The following SAMMSON variants were observed in gnomAD, a reference collection of about 807,000 sequenced individuals.
The protein encoded by SAMMSON is long intergenic non-protein coding RNA 1212.
chr3:70,184,925 C>T lies in SAMMSON; in HGVS notation n.508-64182C>T, dbSNP rs201049323. On this transcript the variant is annotated intron_variant and non_coding_transcript_variant, in intron 4 of 9. Transcript: ENST00000642114. ...GCAGTGACCTTTCCCTGTAAGACAG[C>T]GCTATCTCCACCAAGGAGAATGCCA... 4.5e-4 allele frequency among the ~76,000 whole-genome samples: 68 copies of T among 152,272 alleles called. 1 individual carries two copies. Among genetic ancestry groups the T allele is most frequent in the East Asian group, 3.7e-3 (19 of 5,188 alleles).
At chr3:70,360,184 AAGG>A in intron 9 of SAMMSON, among the ~76,000 whole-genome samples, 2 of 152,246 alleles carry the variant, frequency 1.3e-5, no homozygotes, top group Middle Eastern at 3.4e-3. Context: ...ATTTAATAGA[AAGG>A]AGAAGAGCAA....
intron 4 of SAMMSON, among the ~76,000 whole-genome samples, chr3:70,152,346 T>C (rs2067575250): frequency 6.6e-6 from 1 of 152,046 alleles, no homozygotes; most frequent in South Asian, 2.1e-4. Context: ...TCAATGCCCC[T>C]TGCATTTTTG....
At chr3:70,299,730 G>A (rs1403076) in intron 7 of SAMMSON, among the ~76,000 whole-genome samples, 31,596 of 151,988 alleles carry the variant, frequency 0.21, 3,486 homozygotes, top group South Asian at 0.28. Flanking sequence ...GTCCATCTTC[G>A]TAATATCCTC....
intron 6 of SAMMSON, among the ~76,000 whole-genome samples, chr3:70,264,015 A>C (rs1701892119): frequency 6.6e-6 from 1 of 152,170 alleles, no homozygotes; most frequent in African/African-American, 2.4e-5. Flanking sequence ...GAAGCAGTTA[A>C]CTTTACTATG....
intron 4 of SAMMSON, among the ~76,000 whole-genome samples, chr3:70,247,467 AAT>A (rs993493150): frequency 1.3e-5 from 2 of 151,772 alleles, no homozygotes; most frequent in African/African-American, 4.8e-5. Flanking sequence ...TTTATCATAT[AAT>A]ATATATTATC....
At chr3:70,250,173 G>A (rs1701747566) in intron 6 of SAMMSON, among the ~76,000 whole-genome samples, 1 of 152,096 alleles carries the variant, frequency 6.6e-6, no homozygotes, top group South Asian at 2.1e-4. Context: ...TATTGTGAAG[G>A]ATTTGGAGTT....
At chr3:70,009,273 CT>C (rs2066943519) in intron 1 of SAMMSON, 1 of 146,908 alleles carries the variant, frequency 6.8e-6, no homozygotes, top group Non-Finnish European at 1.5e-5. Context: ...TGGTCCTGGA[CT>C]TTTTTTGGTT....
rs560797855 is a variant in SAMMSON at position 70,039,160 on chromosome 3, G to A, written n.417+25488G>A. 5.2e-4 allele frequency among the ~76,000 whole-genome samples: 79 copies of A among 152,254 alleles called. 1 individual carries two copies. Among genetic ancestry groups the A allele is most frequent in the Middle Eastern group, 3.4e-3 (1 of 294 alleles). On this transcript the variant is annotated intron_variant and non_coding_transcript_variant, in intron 3 of 9. Transcript: ENST00000642114. The stretch of plus-strand genomic sequence containing the variant: ...AATCTTGAGACTAAACTGCACCACT[G>A]AGTACTTGACCTGCCCCAGCCCTTT...
At chr3:70,147,917 T>C (rs551532783) in intron 4 of SAMMSON, among the ~76,000 whole-genome samples, 8 of 152,212 alleles carry the variant, frequency 5.3e-5, no homozygotes, top group East Asian at 3.9e-4. Flanking sequence ...AAAGGACTTA[T>C]AGCCTGAATT....
At chr3:70,311,121 T>G (rs913922669) in intron 7 of SAMMSON, among the ~76,000 whole-genome samples, 1 of 152,200 alleles carries the variant, frequency 6.6e-6, no homozygotes, top group African/African-American at 2.4e-5. Context: ...TCCTACAACC[T>G]TATAAAGCAA....
chr3:70,007,839 A>G (rs1379540029), intron 1 of SAMMSON, among the ~76,000 whole-genome samples: 2 of 151,984 alleles, frequency 1.3e-5, no homozygotes, highest in South Asian at 2.1e-4. Context: ...TGTAAGGAAG[A>G]GATCCAGTTT....
At chr3:70,028,548 A>G (rs772795679) in intron 3 of SAMMSON, among the ~76,000 whole-genome samples, 64 of 152,168 alleles carry the variant, frequency 4.2e-4, no homozygotes, top group Non-Finnish European at 7.9e-4. Context: ...GGCCCAGGAA[A>G]TGCCTGGTTA....
chr3:70,143,726 A>G (rs1418238637), intron 4 of SAMMSON, among the ~76,000 whole-genome samples: 3 of 152,094 alleles, frequency 2.0e-5, no homozygotes, highest in Admixed American at 2.0e-4. Context: ...CAAGTCAAAG[A>G]GTGAGCTCCC....
At chr3:70,022,513 G>GT (rs2067020117) in intron 3 of SAMMSON, among the ~76,000 whole-genome samples, 1 of 150,028 alleles carries the variant, frequency 6.7e-6, no homozygotes, top group Admixed American at 6.7e-5. Context: ...GAGTCCTCGT[G>GT]TTTTTTTGGT....
chr3:70,001,016 G>C (rs536326750), intron 1 of SAMMSON, among the ~76,000 whole-genome samples: 55 of 152,096 alleles, frequency 3.6e-4, no homozygotes, highest in African/African-American at 1.2e-3. Context: ...TTCTCCTGCC[G>C]GAGCTGGTTT....
chr3:70,273,750 AT>A, intron 6 of SAMMSON, among the ~76,000 whole-genome samples: 1 of 152,262 alleles, frequency 6.6e-6, no homozygotes, highest in South Asian at 2.1e-4. Flanking sequence ...GCTTTTTCAG[AT>A]TTGTTTAGCA....
chr3:70,059,715 T>C (rs2067180612), intron 3 of SAMMSON, among the ~76,000 whole-genome samples: 1 of 152,022 alleles, frequency 6.6e-6, no homozygotes, highest in African/African-American at 2.4e-5. Flanking sequence ...CCAGAAATAA[T>C]ATTTTACCAG....
intron 3 of SAMMSON, among the ~76,000 whole-genome samples, chr3:70,056,302 T>C (rs975760091): frequency 2.6e-5 from 4 of 152,024 alleles, no homozygotes; most frequent in African/African-American, 9.7e-5. Context: ...TATGTGTCTA[T>C]TATCAAGGAT....
chr3:70,063,507 A>G (rs1451573568), intron 3 of SAMMSON, among the ~76,000 whole-genome samples: 1 of 152,000 alleles, frequency 6.6e-6, no homozygotes, highest in East Asian at 1.9e-4. Flanking sequence ...CTCTTCTTTT[A>G]GGTAGGATCC....
Sources: allele counts gnomAD v4.1 joint callset (sites outside exome capture counted in the v4.1 genomes callset), GRCh38; gene constraint gnomAD v4.1.1; transcripts MANE v1.5; gene names NCBI Gene and HGNC (gene_info 2026-07-23, HGNC 2026-07-21).